SEC23A: variants seen among roughly 807,000 people sequenced by gnomAD.
The protein encoded by SEC23A is protein transport protein Sec23A.
A neutral mutation model predicts 103.7 loss-of-function variants in SEC23A; 56 were observed. The observed-to-expected ratio is 0.54, with a 90% CI of 0.44 to 0.67. SEC23A has a LOEUF of 0.67. SEC23A is among the 30% of genes least tolerant of loss of function. The probability of loss-of-function intolerance (pLI) is 0.00; values close to 1 mark genes in which losing one functional copy is unlikely to be tolerated. For synonymous variants in SEC23A, 281 were observed against 293.0 expected (o/e 0.96, Z 0.42); for missense variants, 784 against 936.4 (o/e 0.84, Z 2.12).
At chr14:39,079,451 T>A (rs1395474707) in intron 7 of SEC23A, among the ~76,000 whole-genome samples, 1 of 152,094 alleles carries the variant, frequency 6.6e-6, no homozygotes, top group Non-Finnish European at 1.5e-5. Context: ...TTGGACAAAA[T>A]AGAGTACATT....
chr14:39,099,591 T>G (rs1173523679), intron 1 of SEC23A, among the ~76,000 whole-genome samples: 4 of 152,198 alleles, frequency 2.6e-5, no homozygotes, highest in Non-Finnish European at 5.9e-5. Context: ...GTATTAACAT[T>G]TAGAAGATAT....
chr14:39,069,587 G>C (rs1198279961), intron 9 of SEC23A, among the ~76,000 whole-genome samples: 1 of 151,834 alleles, frequency 6.6e-6, no homozygotes, highest in African/African-American at 2.4e-5. Context: ...AGCCTCCCAA[G>C]TAGCTGGGAC....
chr14:39,081,643 C>T (rs1235482251), intron 7 of SEC23A, among the ~76,000 whole-genome samples: 2 of 151,854 alleles, frequency 1.3e-5, no homozygotes, highest in African/African-American at 2.4e-5. Context: ...TATTTGATAA[C>T]GGGAGCAGGT....
intron 13 of SEC23A, among the ~76,000 whole-genome samples, chr14:39,060,782 C>T (rs1044073916): frequency 6.6e-6 from 1 of 152,168 alleles, no homozygotes; most frequent in Non-Finnish European, 1.5e-5. Context: ...AGCCCATGAA[C>T]AAATACATGC....
chr14:39,034,845 G>C (rs1399876478), intron 19 of SEC23A, among the ~76,000 whole-genome samples: 1 of 152,142 alleles, frequency 6.6e-6, no homozygotes, highest in South Asian at 2.1e-4. Flanking sequence ...AGGCACTACA[G>C]CAACAGAGGC....
intron 15 of SEC23A, among the ~76,000 whole-genome samples, chr14:39,046,695 C>T (rs1207450332): frequency 6.6e-6 from 1 of 152,146 alleles, no homozygotes; most frequent in African/African-American, 2.4e-5. Flanking sequence ...TGTTTCACTG[C>T]TTCTTTCTCC....
chr14:39,053,863 G>C (rs932706394), intron 14 of SEC23A, among the ~76,000 whole-genome samples: 1 of 152,162 alleles, frequency 6.6e-6, no homozygotes, highest in African/African-American at 2.4e-5. Context: ...AGGTGTGGTG[G>C]CTCATGCTTG....
chr14:39,079,791 C>T (rs1273943417), intron 7 of SEC23A, among the ~76,000 whole-genome samples: 1 of 151,966 alleles, frequency 6.6e-6, no homozygotes, highest in Non-Finnish European at 1.5e-5. Context: ...CACTGCACTC[C>T]AGCCTGGGCA....
chr14:39,067,043 G>A (rs1886692203), intron 10 of SEC23A, 130 bp downstream of exon 10: 14 of 1,105,690 alleles, frequency 1.3e-5, no homozygotes, highest in Non-Finnish European at 1.8e-5. Context: ...CTCTAACTCA[G>A]GTTTCAATAT....
At chr14:39,049,466 A>G (rs986571730) in intron 14 of SEC23A, among the ~76,000 whole-genome samples, 12 of 145,122 alleles carry the variant, frequency 8.3e-5, no homozygotes, top group Admixed American at 7.7e-4. Flanking sequence ...GCAGAGCAAG[A>G]CTCTGTCTCC....
intron 5 of SEC23A, chr14:39,087,932 A>C (rs1208862817): frequency 6.6e-6 from 1 of 152,242 alleles, no homozygotes; most frequent in East Asian, 1.9e-4. Context: ...CAGAAAGACT[A>C]AGTAATTTGT....
intron 9 of SEC23A, among the ~76,000 whole-genome samples, chr14:39,070,180 C>T (rs184925599): frequency 1.6e-4 from 25 of 152,346 alleles, no homozygotes; most frequent in Admixed American, 1.2e-3. Flanking sequence ...AAGATTTTTA[C>T]GTTTAGTTCA....
intron 1 of SEC23A, among the ~76,000 whole-genome samples, chr14:39,099,227 C>T (rs1284417660): frequency 2.1e-5 from 3 of 139,884 alleles, no homozygotes; most frequent in Non-Finnish European, 4.6e-5. Context: ...GGGGCAATCT[C>T]AGCTCACTGC....
chr14:39,055,255 G>A lies in SEC23A; in HGVS notation c.1547C>T (p.Ser516Phe). The A allele has an allele frequency of 6.2e-7, 1 of 1,614,174 alleles. No homozygotes were observed. Among genetic ancestry groups the A allele is most frequent in the East Asian group, 2.2e-5 (1 of 44,886 alleles). The change falls in exon 14 of 20, where the codon TCT becomes TTT. Residue 516 changes from serine to phenylalanine, a missense_variant. Around this residue, in one of 2 missense-constraint regions of SEC23A, gnomAD observed 683 missense variants for 774.2 expected, o/e 0.88. Coordinates refer to ENST00000307712, the MANE Select transcript of SEC23A (RefSeq NM_006364.4). The part of the protein sequence containing the change: ...AQTQIQNIAA[S>F]FDQEAAAILM... ...AATGGCAGCTGCCTCCTGGTCAAAA[G>A]ATGCAGCAATGTTTTGGATTTGAGT...
chr14:39,049,854 G>C (rs8008861), intron 14 of SEC23A, among the ~76,000 whole-genome samples: 2 of 151,276 alleles, frequency 1.3e-5, no homozygotes, highest in African/African-American at 2.4e-5. Context: ...GTGCAGTGGC[G>C]CGATCTCGGT....
At chr14:39,088,021 C>T (rs1169452304) in intron 5 of SEC23A, 1 of 152,096 alleles carries the variant, frequency 6.6e-6, no homozygotes, top group East Asian at 1.9e-4. Context: ...AGGGTTTACA[C>T]CATATTGAGA....
chr14:39,058,087 A>C (rs890830192), intron 13 of SEC23A, among the ~76,000 whole-genome samples: 7 of 152,240 alleles, frequency 4.6e-5, no homozygotes, highest in African/African-American at 1.7e-4. Context: ...GACTCAGATC[A>C]AACTGAACCT....
At chr14:39,069,626 A>AT (rs1406104002) in intron 9 of SEC23A, among the ~76,000 whole-genome samples, 1 of 151,688 alleles carries the variant, frequency 6.6e-6, no homozygotes, top group East Asian at 1.9e-4. Flanking sequence ...TGCCCAGCCA[A>AT]TTTTTGTATT....
chr14:39,061,341 G>A (rs1226521658), intron 13 of SEC23A, among the ~76,000 whole-genome samples: 2 of 151,282 alleles, frequency 1.3e-5, no homozygotes, highest in Non-Finnish European at 2.9e-5. Context: ...GCTGAGTAAT[G>A]GCATAATAAA....
Sources: gnomAD v4.1 joint callset for allele counts (sites outside exome capture counted in the v4.1 genomes callset) on GRCh38, gnomAD v4.1.1 for gene constraint, gnomAD v4.1.1 regional missense constraint, MANE v1.5 for transcripts, NCBI Gene and HGNC (gene_info 2026-07-23, HGNC 2026-07-21) for gene names.